The following AP2B1 variants were observed in gnomAD, a reference collection of about 807,000 sequenced individuals.
The protein encoded by AP2B1 is AP-2 complex subunit beta.
AP2B1 carries 23 observed loss-of-function variants against 102.0 expected under a neutral mutation model. The ratio of observed to expected loss-of-function variants is 0.23; its 90% CI spans 0.16 to 0.32. The LOEUF (loss-of-function observed/expected upper bound fraction) is 0.32, where lower values mean the gene tolerates loss of function less well. AP2B1 is among the 10% of genes least tolerant of loss of function. The probability of loss-of-function intolerance (pLI) is 1.00; values close to 1 mark genes in which losing one functional copy is unlikely to be tolerated. For missense variants in AP2B1, 541 were observed against 1,157.4 expected, an observed-to-expected ratio of 0.47 and a Z score of 7.73; for synonymous variants, 381 against 421.2, an observed-to-expected ratio of 0.90 and a Z score of 1.17.
intron 5 of AP2B1, among the ~76,000 whole-genome samples, chr17:35,620,788 A>T (rs372890187): frequency 6.6e-6 from 1 of 152,170 alleles, no homozygotes; most frequent in Non-Finnish European, 1.5e-5. Context: ...ACTGCATTCC[A>T]GCCTGGGCAA....
chr17:35,595,765 T>C (rs1185930566), intron 2 of AP2B1, among the ~76,000 whole-genome samples: 1 of 152,146 alleles, frequency 6.6e-6, no homozygotes, highest in African/African-American at 2.4e-5. Flanking sequence ...TTTTATTACT[T>C]ACACCTCACA....
At chr17:35,593,919 C>T in intron 1 of AP2B1, 89 bp from the exon 2 acceptor site, 1 of 617,876 alleles carries the variant, frequency 1.6e-6, no homozygotes, top group Non-Finnish European at 2.6e-6. Context: ...ATAAGTGTTC[C>T]TAAAATTAAT....
Position 35,671,886 on chromosome 17 carries a change from G to T in AP2B1, c.2164G>T (p.Val722Leu), listed in dbSNP as rs753705561. Residue 722 changes from valine to leucine, a missense_variant, in exon 16 of 22, where the codon GTG becomes TTG. Transcript: ENST00000610402. ...GATAGGCATGGCACCTGGTGGATAT[G>T]TGGCTCCTAAGGCTGTAAGTAAAGA... ...TGIGMAPGGY[V>L]APKAVWLPAV... 6.8e-6 allele frequency: 11 copies of T among 1,614,122 alleles called. No individual in the cohort carries two copies. The highest frequency in any genetic ancestry group is 9.3e-6 in the Non-Finnish European group (11 of 1,179,990).
chr17:35,649,733 A>G (rs1352129853), intron 12 of AP2B1, among the ~76,000 whole-genome samples: 1 of 152,170 alleles, frequency 6.6e-6, no homozygotes, highest in Non-Finnish European at 1.5e-5. Context: ...TTACAGAATT[A>G]TGACTATATT....
chr17:35,661,985 T>A (rs1320009746), intron 14 of AP2B1, among the ~76,000 whole-genome samples: 1 of 152,218 alleles, frequency 6.6e-6, no homozygotes, highest in Non-Finnish European at 1.5e-5. Context: ...AATTTATTAT[T>A]TATTTGTTGA....
intron 3 of AP2B1, among the ~76,000 whole-genome samples, chr17:35,605,495 C>T (rs192727283): frequency 6.6e-6 from 1 of 152,362 alleles, no homozygotes; most frequent in African/African-American, 2.4e-5. Context: ...GGTGATCCGC[C>T]TGCCTTGGCC....
intron 12 of AP2B1, among the ~76,000 whole-genome samples, chr17:35,649,972 C>CA (rs557459593): frequency 2.6e-3 from 394 of 152,098 alleles, no homozygotes; most frequent in African/African-American, 9.0e-3. Flanking sequence ...TTTTTTGAGA[C>CA]AGAGTTTTAC....
In AP2B1 at chr17:35,608,295, G is replaced by T. The variant is rs773576208; in HGVS notation, c.433G>T (p.Val145Leu). 3 of 1,614,184 alleles carry T rather than the reference G, an allele frequency of 1.9e-6. No homozygotes were observed. The highest frequency in any genetic ancestry group is 1.7e-6 in the Non-Finnish European group (2 of 1,180,026). ...TGTTCGGAAAACAGCAGCAGTCTGC[G>T]TGGCAAAACTCCATGATATCAATGC... ...PYVRKTAAVC[V>L]AKLHDINAQM... Residue 145 changes from valine to leucine, a missense_variant, in exon 5 of 22, where the codon GTG (valine) becomes TTG (leucine). Around this residue, in one of 10 missense-constraint regions of AP2B1, gnomAD observed 134 missense variants for 250.2 expected, o/e 0.54. Coordinates refer to ENST00000610402, the MANE Select transcript of AP2B1 (RefSeq NM_001030006.2).
rs569124148 is a variant in AP2B1 at position 35,639,146 on chromosome 17, T to C, written c.1272-449T>C. Among the ~76,000 whole-genome samples, 6 of 152,206 alleles carry C rather than the reference T, an allele frequency of 3.9e-5. No individual in the cohort carries two copies. In the East Asian group the frequency reaches 1.2e-3, roughly 29 times the overall value. On this transcript the variant is annotated intron_variant, in intron 10 of 21. Coordinates refer to ENST00000610402, the MANE Select transcript of AP2B1 (RefSeq NM_001030006.2). ...CAAGTTTGAGACCAGCCGGTCAACA[T>C]AGCAAGACCCCCATCTCTACAAAAA...
chr17:35,712,464 T>C (rs587608784), intron 20 of AP2B1, among the ~76,000 whole-genome samples: 19 of 152,002 alleles, frequency 1.2e-4, no homozygotes, highest in Admixed American at 1.2e-3. Context: ...CTGTCTCTAC[T>C]AAAAATACAA....
At chr17:35,672,907 A>G (rs947624676) in intron 16 of AP2B1, among the ~76,000 whole-genome samples, 3 of 152,218 alleles carry the variant, frequency 2.0e-5, no homozygotes, top group African/African-American at 7.2e-5. Context: ...TCCTTTCAAA[A>G]GAAAAAGATC....
At chr17:35,647,882 T>C (rs1248460460) in intron 12 of AP2B1, among the ~76,000 whole-genome samples, 1 of 114,460 alleles carries the variant, frequency 8.7e-6, no homozygotes, top group Non-Finnish European at 1.7e-5. Flanking sequence ...TTTTGGGTTT[T>C]GGGGGTTTGT....
At chr17:35,622,616 T>C (rs771820499) in intron 5 of AP2B1, among the ~76,000 whole-genome samples, 1 of 152,220 alleles carries the variant, frequency 6.6e-6, no homozygotes, top group Non-Finnish European at 1.5e-5. Flanking sequence ...CCAATATATA[T>C]AATTGCTGAA....
intron 4 of AP2B1, among the ~76,000 whole-genome samples, chr17:35,607,216 T>G (rs2073710405): frequency 6.6e-6 from 1 of 151,042 alleles, no homozygotes; most frequent in South Asian, 2.1e-4. Context: ...AATATTTTTT[T>G]AATAGTTGTT....
chr17:35,696,885 A>T (rs1352219531), intron 18 of AP2B1, among the ~76,000 whole-genome samples: 1 of 152,166 alleles, frequency 6.6e-6, no homozygotes, highest in Non-Finnish European at 1.5e-5. Context: ...CACCACTGCT[A>T]TGTCTCCCAG....
intron 7 of AP2B1, 80 bp from the exon 8 acceptor site, chr17:35,627,305 G>C: frequency 1.3e-6 from 1 of 763,820 alleles, no homozygotes. Flanking sequence ...GAGAGGCACA[G>C]ATTAGGTATT....
At chr17:35,650,952 A>T in intron 13 of AP2B1, 163 bp downstream of exon 13, 7 of 726,076 alleles carry the variant, frequency 9.6e-6, no homozygotes, top group Non-Finnish European at 1.6e-5. Flanking sequence ...GACACCTACT[A>T]CTATACAACC....
chr17:35,695,698 C>G (rs2076128418), intron 18 of AP2B1, among the ~76,000 whole-genome samples: 1 of 152,144 alleles, frequency 6.6e-6, no homozygotes, highest in South Asian at 2.1e-4. Context: ...CAGAATTACT[C>G]TATATAGTTT....
chr17:35,616,762 G>A (rs72828059), intron 5 of AP2B1, among the ~76,000 whole-genome samples: 1 of 152,066 alleles, frequency 6.6e-6, no homozygotes, highest in Non-Finnish European at 1.5e-5. Context: ...TTTGAAGGTA[G>A]CTCGAAAACA....
Sources: gnomAD v4.1 joint callset for allele counts (sites outside exome capture counted in the v4.1 genomes callset) on GRCh38, gnomAD v4.1.1 for gene constraint, gnomAD v4.1.1 regional missense constraint, MANE v1.5 for transcripts, NCBI Gene and HGNC (gene_info 2026-07-23, HGNC 2026-07-21) for gene names.